Variants in TENT5C observed in about 807,000 individuals in gnomAD.
TENT5C encodes the protein family with sequence similarity 46 member C.
Under a neutral mutation model 22.2 loss-of-function variants are expected in TENT5C, and 5 were observed. The observed-to-expected ratio is 0.22, with a 90% CI of 0.12 to 0.47. The LOEUF (loss-of-function observed/expected upper bound fraction) is 0.47. Among genes scored for constraint, TENT5C ranks in the 20% least tolerant of loss-of-function variants. The pLI is 0.99. For missense variants in TENT5C, 364 were observed against 500.9 expected (o/e 0.73, Z 2.61); for synonymous variants, 199 against 195.4 (o/e 1.02, Z -0.15).
At chr1:117,614,008 T>G (rs1653724140) in intron 1 of TENT5C, among the ~76,000 whole-genome samples, 1 of 152,230 alleles carries the variant, frequency 6.6e-6, no homozygotes. Flanking sequence ...ATTTTATCTG[T>G]TTTTATTGCT....
intron 1 of TENT5C, among the ~76,000 whole-genome samples, chr1:117,609,888 A>G (rs753445407): frequency 6.6e-6 from 1 of 152,132 alleles, no homozygotes; most frequent in Non-Finnish European, 1.5e-5. Flanking sequence ...AGGCAGGCCA[A>G]TGGCTGAGTC....
intron 1 of TENT5C, among the ~76,000 whole-genome samples, chr1:117,615,812 A>C (rs1014571855): frequency 6.6e-6 from 1 of 152,228 alleles, no homozygotes. Context: ...CTTAACTGGA[A>C]TCTGCACAAA....
chr1:117,608,094 AC>A (rs1276989804), intron 1 of TENT5C, among the ~76,000 whole-genome samples: 16 of 150,792 alleles, frequency 1.1e-4, no homozygotes, highest in East Asian at 9.8e-4. Context: ...AAAAAAAAAA[AC>A]TCTGCCAGGA....
chr1:117,627,103 C>A lies in TENT5C; in HGVS notation c.*3059C>A. On this transcript the variant is annotated 3_prime_UTR_variant, in exon 2 of 2. Coordinates refer to ENST00000369448, the MANE Select transcript of TENT5C (RefSeq NM_017709.4). Reference sequence around the variant, plus strand: ...GGGGATGCCTGTGGGATGGCCCACACCTGGGGGACCTGGCAGATGGGGTGA... The same window carrying A: ...GGGGATGCCTGTGGGATGGCCCACAACTGGGGGACCTGGCAGATGGGGTGA... The A allele has an allele frequency of 4.0e-6, 1 of 248,184 alleles. No individual in the cohort carries two copies. The highest frequency in any genetic ancestry group is 6.0e-5 in the East Asian group (1 of 16,594). 15.4% of individuals were successfully genotyped at this position (248,184 alleles called of 1,614,324 possible). A position where few individuals can be genotyped will look rare whatever the true frequency, so the allele number is the denominator to read the frequency against.
intron 1 of TENT5C, among the ~76,000 whole-genome samples, chr1:117,611,139 A>G (rs1204838061): frequency 1.3e-5 from 2 of 152,130 alleles, no homozygotes; most frequent in Admixed American, 6.6e-5. Flanking sequence ...GGGCATTAGG[A>G]TCTCCACAGC....
intron 1 of TENT5C, among the ~76,000 whole-genome samples, chr1:117,620,215 CT>C (rs1192344381): frequency 3.3e-5 from 5 of 152,180 alleles, no homozygotes; most frequent in African/African-American, 9.7e-5. Flanking sequence ...TACATGACGT[CT>C]TTTTGAACAA....
intron 1 of TENT5C, among the ~76,000 whole-genome samples, chr1:117,610,222 A>G (rs1653635279): frequency 6.6e-6 from 1 of 151,962 alleles, no homozygotes. Context: ...GGCTAGTTCT[A>G]CAGTCTGTGC....
In TENT5C at chr1:117,623,612, C is replaced by T; in HGVS notation, c.744C>T (p.Ser248=). Residue 248 remains serine (S), a synonymous_variant, in exon 2 of 2, where the codon AGC becomes AGT. Coordinates refer to ENST00000369448, the MANE Select transcript of TENT5C (RefSeq NM_017709.4). ...GAGGCGGGGGACTTCTCAAGTACAG[C>T]AACCTTCTTGTGCGGGACTTCAGGC... ...EIRGGGLLKY[S]NLLVRDFRPT... 6.2e-7 allele frequency: 1 copy of T among 1,613,750 alleles called. No individual in the cohort carries two copies.
chr1:117,620,950 G>GTGC (rs1278334850), intron 1 of TENT5C, among the ~76,000 whole-genome samples: 1 of 152,176 alleles, frequency 6.6e-6, no homozygotes, highest in Non-Finnish European at 1.5e-5. Context: ...AATGTACTGT[G>GTGC]TGCTAATCAT....
Position 117,624,420 on chromosome 1 carries a change from C to G in TENT5C, c.*376C>G. ...AAGTGCTAAGCTACTTGTTTTCTCA[C>G]TTGAGCCCGGGTAGGCTGTGTTGGC... On this transcript the variant is annotated 3_prime_UTR_variant, in exon 2 of 2. Coordinates refer to ENST00000369448, the MANE Select transcript of TENT5C (RefSeq NM_017709.4). The G allele has an allele frequency of 3.7e-6, 1 of 270,826 alleles. No individual in the cohort carries two copies. The allele number at this position is 270,826 out of a possible 1,614,324, so 16.8% of individuals were successfully genotyped here.
chr1:117,622,854 G>A lies in TENT5C; in HGVS notation c.-15G>A. The A allele has an allele frequency of 6.2e-7, 1 of 1,601,450 alleles. No individual in the cohort carries two copies. The highest frequency in any genetic ancestry group is 8.5e-7 in the Non-Finnish European group (1 of 1,169,802). On this transcript the variant is annotated 5_prime_UTR_variant, in exon 2 of 2. Transcript: ENST00000369448. ...CCCTCACTTTCAGTTTCCCCAGCCAGAACATCCCCTGAAGATGGCAGAGGA... is the reference window on the plus strand; with the variant it reads ...CCCTCACTTTCAGTTTCCCCAGCCAAAACATCCCCTGAAGATGGCAGAGGA...
chr1:117,610,341 C>A (rs565277211), intron 1 of TENT5C, among the ~76,000 whole-genome samples: 2 of 152,242 alleles, frequency 1.3e-5, no homozygotes, highest in African/African-American at 4.8e-5. Context: ...ACCCTCCACC[C>A]CCCATGGCAG....
chr1:117,625,170 G>A lies in TENT5C; in HGVS notation c.*1126G>A. The A allele has an allele frequency of 4.0e-6, 1 of 247,836 alleles. No homozygotes were observed. Among genetic ancestry groups the A allele is most frequent in the Non-Finnish European group, 8.5e-6 (1 of 118,050 alleles). The allele number at this position is 247,836 out of a possible 1,614,324, so 15.4% of individuals were successfully genotyped here. On this transcript the variant is annotated 3_prime_UTR_variant, in exon 2 of 2. Transcript: ENST00000369448. ...TGTGTTTGACAGCAACTCAATTCAG[G>A]AATTTCGGTAGAACTGAGTGACCTG...
At chr1:117,620,569 T>G (rs1369121009) in intron 1 of TENT5C, among the ~76,000 whole-genome samples, 1 of 152,158 alleles carries the variant, frequency 6.6e-6, no homozygotes, top group Non-Finnish European at 1.5e-5. Flanking sequence ...ATTGTGTAGC[T>G]CAGGGTTCCC....
Position 117,626,556 on chromosome 1 carries a change from G to A in TENT5C, c.*2512G>A, listed in dbSNP as rs546400827. On this transcript the variant is annotated 3_prime_UTR_variant, in exon 2 of 2. Coordinates refer to ENST00000369448, the MANE Select transcript of TENT5C (RefSeq NM_017709.4). ...AGTGATGTCTCTACTTGCTCTATGAGCCTTTTGCCAGCCTCAGAATAGGCG... is the reference window on the plus strand; with the variant it reads ...AGTGATGTCTCTACTTGCTCTATGAACCTTTTGCCAGCCTCAGAATAGGCG... 1 of 248,046 alleles carries A rather than the reference G, an allele frequency of 4.0e-6. No homozygotes were observed. Among genetic ancestry groups the A allele is most frequent in the East Asian group, 6.0e-5 (1 of 16,578 alleles). 15.4% of individuals were successfully genotyped at this position (248,046 alleles called of 1,614,324 possible).
chr1:117,623,985 G>A lies in TENT5C; in HGVS notation c.1117G>A (p.Val373Ile), dbSNP rs752308622. ...VSDGNFSNYY[V>I]AHPPVTYSQP... ...TGATGGCAACTTCAGCAACTACTACGTTGCCCATCCTCCAGTCACCTACAG... is the reference window on the plus strand; with the variant it reads ...TGATGGCAACTTCAGCAACTACTACATTGCCCATCCTCCAGTCACCTACAG... The change falls in exon 2 of 2, where the codon GTT (valine) becomes ATT (isoleucine). Residue 373 changes from valine (V) to isoleucine (I), a missense_variant. Around this residue, in one of 3 missense-constraint regions of TENT5C, gnomAD observed 54 missense variants for 76.5 expected, o/e 0.71. Transcript: ENST00000369448. 1.4e-5 allele frequency: 23 copies of A among 1,613,884 alleles called. No homozygotes were observed. Among genetic ancestry groups the A allele is most frequent in the East Asian group, 2.2e-5 (1 of 44,854 alleles).
chr1:117,608,330 T>G (rs916768745), intron 1 of TENT5C, among the ~76,000 whole-genome samples: 1 of 152,226 alleles, frequency 6.6e-6, no homozygotes, highest in African/African-American at 2.4e-5. Flanking sequence ...ACCTGGTTTC[T>G]TCTCTTGTAC....
chr1:117,612,827 G>A (rs1378393341), intron 1 of TENT5C, among the ~76,000 whole-genome samples: 2 of 152,202 alleles, frequency 1.3e-5, no homozygotes, highest in African/African-American at 4.8e-5. Flanking sequence ...ATAAGGCCTG[G>A]GCAGGGAAGC....
rs1311633383 is a variant in TENT5C at position 117,627,751 on chromosome 1, G to A, written c.*3707G>A. 1 of 247,958 alleles carries A rather than the reference G, an allele frequency of 4.0e-6. No individual in the cohort carries two copies. Among genetic ancestry groups the A allele is most frequent in the Non-Finnish European group, 8.5e-6 (1 of 118,154 alleles). 15.4% of individuals were successfully genotyped at this position (247,958 alleles called of 1,614,324 possible). On this transcript the variant is annotated 3_prime_UTR_variant, in exon 2 of 2. Coordinates refer to ENST00000369448, the MANE Select transcript of TENT5C (RefSeq NM_017709.4). ...TCAGAGGACCAAGTCGTGGGGGAGG[G>A]GGGCGGTGTTGAGGAGAGGTATTTT... is the stretch of plus-strand genomic sequence containing the variant.
Sources: allele counts gnomAD v4.1 joint callset (sites outside exome capture counted in the v4.1 genomes callset), GRCh38; gene constraint gnomAD v4.1.1; regional missense constraint gnomAD v4.1.1; transcripts MANE v1.5; gene names NCBI Gene and HGNC (gene_info 2026-07-23, HGNC 2026-07-21).